Variants in HMBOX1 observed in about 807,000 individuals in gnomAD.
HMBOX1 encodes homeobox-containing protein 1.
HMBOX1 carries 14 observed loss-of-function variants against 54.5 expected under a neutral mutation model. The ratio of observed to expected loss-of-function variants is 0.26; its 90% CI spans 0.17 to 0.40. The LOEUF (loss-of-function observed/expected upper bound fraction) is 0.40, where lower values mean the gene tolerates loss of function less well. Among genes scored for constraint, HMBOX1 ranks in the 10% least tolerant of loss-of-function variants. HMBOX1 has a pLI of 1.00. For missense variants in HMBOX1, 332 were observed against 514.4 expected, an observed-to-expected ratio of 0.65 and a Z score of 3.43; for synonymous variants, 160 against 181.0, an observed-to-expected ratio of 0.88 and a Z score of 0.93.
rs146328492 is a variant in HMBOX1 at position 28,964,613 on chromosome 8, G to C, written c.23+723G>C. On this transcript the variant is annotated intron_variant, in intron 2 of 9. Coordinates refer to ENST00000287701, the MANE Select transcript of HMBOX1 (RefSeq NM_001135726.3). ...CATAAGTATTTTCTAAAATTTGATGGAGTCTCCACTTTGCTTAAATTCCTT... is the reference window on the plus strand; with the variant it reads ...CATAAGTATTTTCTAAAATTTGATGCAGTCTCCACTTTGCTTAAATTCCTT... Among the ~76,000 whole-genome samples the C allele has an allele frequency of 1.6e-3, 248 of 152,234 alleles. 1 individual carries two copies. The highest frequency in any genetic ancestry group is 5.1e-3 in the African/African-American group (211 of 41,548).
intron 4 of HMBOX1, among the ~76,000 whole-genome samples, chr8:28,989,725 A>T (rs551675813): frequency 3.3e-5 from 5 of 152,272 alleles, no homozygotes; most frequent in African/African-American, 1.2e-4. Flanking sequence ...CTAGCTTTTC[A>T]GTTTCTACAA....
chr8:28,954,787 A>C (rs1261891326), intron 1 of HMBOX1, among the ~76,000 whole-genome samples: 1 of 152,188 alleles, frequency 6.6e-6, no homozygotes, highest in Non-Finnish European at 1.5e-5. Flanking sequence ...ATGACAAGAA[A>C]CTATGGTGTG....
chr8:29,039,395 A>C (rs1338132421), intron 6 of HMBOX1, among the ~76,000 whole-genome samples: 2 of 152,218 alleles, frequency 1.3e-5, no homozygotes, highest in East Asian at 3.8e-4. Context: ...AATAAACACA[A>C]ATAAAAATAT....
Position 29,033,680 on chromosome 8 carries a change from T to C in HMBOX1, c.852-11681T>C, listed in dbSNP as rs149985909. ...ATGCTTTGCTAGCAGTTTCATTTTG[T>C]ACAAATGGCATACCCCTTATTTCTC... On this transcript the variant is annotated intron_variant, in intron 6 of 9. Transcript: ENST00000287701. 2.6e-4 allele frequency among the ~76,000 whole-genome samples: 39 copies of C among 152,326 alleles called. 1 individual carries two copies. The highest frequency in any genetic ancestry group is 8.9e-4 in the African/African-American group (37 of 41,578).
intron 1 of HMBOX1, among the ~76,000 whole-genome samples, chr8:28,962,493 A>G (rs1173271729): frequency 4.2e-5 from 6 of 142,780 alleles, no homozygotes; most frequent in Non-Finnish European, 7.7e-5. Context: ...AACGTGCTGC[A>G]TGGTTCTCAT....
intron 1 of HMBOX1, among the ~76,000 whole-genome samples, chr8:28,902,433 G>A (rs529327464): frequency 1.9e-4 from 29 of 152,256 alleles, no homozygotes; most frequent in African/African-American, 6.3e-4. Flanking sequence ...CTCATAGTTT[G>A]GTTTTGATAG....
chr8:29,019,226 CTTCTT>C (rs1284211622), intron 6 of HMBOX1, among the ~76,000 whole-genome samples: 2 of 152,124 alleles, frequency 1.3e-5, no homozygotes, highest in Non-Finnish European at 2.9e-5. Flanking sequence ...TCTTTGAAGT[CTTCTT>C]TTCATCAAAA....
intron 1 of HMBOX1, among the ~76,000 whole-genome samples, chr8:28,958,990 G>A (rs1450282750): frequency 2.6e-5 from 4 of 152,084 alleles, no homozygotes; most frequent in Middle Eastern, 3.4e-3. Context: ...CTTATCCACC[G>A]GGAATACATT....
intron 3 of HMBOX1, among the ~76,000 whole-genome samples, chr8:28,979,611 T>C (rs994474192): frequency 2.0e-5 from 3 of 152,206 alleles, no homozygotes; most frequent in Non-Finnish European, 4.4e-5. Context: ...ATTTTAAAGG[T>C]TTTTAAATGA....
In HMBOX1 at chr8:29,008,973, A is replaced by G. The variant is rs185766969; in HGVS notation, c.587-99A>G. 1.8e-4 allele frequency: 148 copies of G among 842,042 alleles called. 1 individual carries two copies. In the African/African-American group the frequency reaches 2.4e-3, roughly 13 times the overall value. The allele number at this position is 842,042 out of a possible 1,614,324, so 52.2% of individuals were successfully genotyped here. On this transcript the variant is annotated intron_variant, in intron 4 of 9. Coordinates refer to ENST00000287701, the MANE Select transcript of HMBOX1 (RefSeq NM_001135726.3). ...GTTGCAACTTCCTTATGGACTGGAC[A>G]CAGAGAATAAAGCACCCAGTAACCT...
At chr8:28,910,330 G>C (rs866985402) in intron 1 of HMBOX1, among the ~76,000 whole-genome samples, 3 of 152,150 alleles carry the variant, frequency 2.0e-5, no homozygotes, top group Non-Finnish European at 4.4e-5. Context: ...GGTTGTTTGG[G>C]ATGTTTCCAG....
At chr8:28,938,313 C>T (rs1820741964) in intron 1 of HMBOX1, among the ~76,000 whole-genome samples, 1 of 152,146 alleles carries the variant, frequency 6.6e-6, no homozygotes, top group African/African-American at 2.4e-5. Context: ...TTGTAAGCTG[C>T]AAGACCTCTG....
chr8:28,903,179 A>G (rs151059318), intron 1 of HMBOX1, among the ~76,000 whole-genome samples: 9 of 152,312 alleles, frequency 5.9e-5, no homozygotes, highest in African/African-American at 2.2e-4. Context: ...AGAGAAGCAA[A>G]ACGAACAAAA....
chr8:28,913,705 TA>T lies in HMBOX1; in HGVS notation c.-58+23028del, dbSNP rs1227376499. On this transcript the variant is annotated intron_variant, in intron 1 of 9. Transcript: ENST00000287701. ...CAGTTCTTGACTCATAGTAAATGCT[TA>T]GTAACGTCTGCTAAGTGAATAGAGA... is the stretch of plus-strand genomic sequence containing the variant. 2.6e-5 allele frequency among the ~76,000 whole-genome samples: 4 copies of T among 152,162 alleles called. No homozygotes were observed. In the East Asian group the frequency reaches 7.7e-4, roughly 29 times the overall value.
intron 3 of HMBOX1, among the ~76,000 whole-genome samples, chr8:28,972,357 C>T (rs541015434): frequency 2.0e-5 from 3 of 152,150 alleles, no homozygotes; most frequent in African/African-American, 7.2e-5. Context: ...GGACTGCAGG[C>T]GTGTGCCACC....
At chr8:28,975,838 A>G (rs1211169371) in intron 3 of HMBOX1, among the ~76,000 whole-genome samples, 2 of 152,096 alleles carry the variant, frequency 1.3e-5, no homozygotes, top group South Asian at 2.1e-4. Flanking sequence ...GAGGGGTGGG[A>G]GAAGATGAGA....
chr8:28,964,491 G>A (rs1826120980), intron 2 of HMBOX1, among the ~76,000 whole-genome samples: 1 of 152,154 alleles, frequency 6.6e-6, no homozygotes, highest in Admixed American at 6.5e-5. Flanking sequence ...ATAGGCCTTT[G>A]AATAAAAGTA....
chr8:28,950,566 C>T (rs757158930), intron 1 of HMBOX1, among the ~76,000 whole-genome samples: 20 of 152,158 alleles, frequency 1.3e-4, no homozygotes, highest in Admixed American at 3.9e-4. Context: ...TTAAACGAAT[C>T]TGAAGATCTG....
chr8:29,018,624 A>G, intron 5 of HMBOX1, 136 bp from the exon 6 acceptor site: 2 of 816,172 alleles, frequency 2.5e-6, no homozygotes, highest in Non-Finnish European at 3.7e-6. Context: ...TTCAAAAGAA[A>G]TTTTTCAGAG....
Sources: allele counts gnomAD v4.1 joint callset (sites outside exome capture counted in the v4.1 genomes callset), GRCh38; gene constraint gnomAD v4.1.1; transcripts MANE v1.5; gene names NCBI Gene and HGNC (gene_info 2026-07-23, HGNC 2026-07-21).